C21orf58: variants seen among roughly 807,000 people sequenced by gnomAD.
The protein encoded by C21orf58 is chromosome 21 open reading frame 58.
In C21orf58, 34 loss-of-function variants were observed where a neutral mutation model predicts 35.8. The ratio of observed to expected loss-of-function variants is 0.95; its 90% CI spans 0.72 to 1.26. The LOEUF (loss-of-function observed/expected upper bound fraction) is 1.26. Ranked by LOEUF, C21orf58 falls within the 50% of genes most tolerant of loss-of-function variation. The probability of loss-of-function intolerance (pLI) is 0.00; values close to 1 mark genes in which losing one functional copy is unlikely to be tolerated. For missense variants in C21orf58, 440 were observed against 414.3 expected, an observed-to-expected ratio of 1.06 and a Z score of -0.54; for synonymous variants, 191 against 175.8, an observed-to-expected ratio of 1.09 and a Z score of -0.68.
chr21:46,319,738 A>T (rs562383574), intron 1 of C21orf58, among the ~76,000 whole-genome samples: 38 of 152,168 alleles, frequency 2.5e-4, no homozygotes, highest in African/African-American at 7.7e-4. Context: ...TCTACTAAAA[A>T]TACAAAAAAT....
chr21:46,315,044 G>A, intron 4 of C21orf58, 164 bp from the exon 5 acceptor site: 3 of 1,520,504 alleles, frequency 2.0e-6, no homozygotes, highest in Non-Finnish European at 8.8e-7. Context: ...GCATGAGGGT[G>A]GCCTCCTGAA....
At chr21:46,315,346 G>T (rs917096493) in intron 4 of C21orf58, 128 bp downstream of exon 4, 3 of 674,424 alleles carry the variant, frequency 4.4e-6, no homozygotes, top group African/African-American at 3.6e-5. Flanking sequence ...CAGTGTCCTT[G>T]CTGGGGCCTG....
chr21:46,306,743 C>T (rs922102899), intron 6 of C21orf58, among the ~76,000 whole-genome samples: 2 of 151,752 alleles, frequency 1.3e-5, no homozygotes, highest in African/African-American at 4.8e-5. Flanking sequence ...ATGCACCTAA[C>T]ACTTGGCAAA....
rs780168028 is a variant in C21orf58 at position 46,311,525 on chromosome 21, G to C, written c.652C>G (p.Gln218Glu). ...GGAGGAATCTGTGCTATGAGTGGCT[G>C]CTGAGGGAGCTGCTGAATGATGGTG... ...PATIIQQLPQ[Q>E]PLIAQIPPPQ... The change falls in exon 6 of 8, where the codon CAG becomes GAG. Residue 218 changes from glutamine (Q) to glutamate (E), a missense_variant. Physicochemically the swap from Gln to Glu is conservative, Grantham distance 29. Coordinates refer to ENST00000291691, the MANE Select transcript of C21orf58 (RefSeq NM_058180.5). 16 of 1,612,184 alleles carry C rather than the reference G, an allele frequency of 9.9e-6. No individual in the cohort carries two copies. In the East Asian group the frequency reaches 3.1e-4, roughly 31 times the overall value.
intron 5 of C21orf58, chr21:46,313,096 A>G (rs1346084664): frequency 2.0e-6 from 2 of 979,064 alleles, no homozygotes; most frequent in Non-Finnish European, 2.4e-6. Flanking sequence ...CAAGAGCTAC[A>G]TCGTAAACAG....
At chr21:46,318,743 C>G in intron 1 of C21orf58, 4 of 997,620 alleles carry the variant, frequency 4.0e-6, no homozygotes, top group Non-Finnish European at 4.8e-6. Context: ...AGGGGCTGGG[C>G]TTTAGCAGGA....
intron 6 of C21orf58, among the ~76,000 whole-genome samples, chr21:46,304,997 ACAGT>A (rs753197259): frequency 1.2e-4 from 19 of 152,202 alleles, no homozygotes; most frequent in Non-Finnish European, 2.5e-4. Context: ...CACAGCGAAC[ACAGT>A]CAGACTCATA....
intron 1 of C21orf58, among the ~76,000 whole-genome samples, chr21:46,321,852 T>A (rs2083167892): frequency 6.6e-6 from 1 of 151,442 alleles, no homozygotes; most frequent in Admixed American, 6.6e-5. Context: ...GAGAGGGGAG[T>A]TACGTTTCCC....
chr21:46,309,920 T>A (rs1422697395), intron 6 of C21orf58, among the ~76,000 whole-genome samples: 2 of 151,218 alleles, frequency 1.3e-5, no homozygotes, highest in African/African-American at 4.9e-5. Flanking sequence ...TGCTTAAACC[T>A]GGAGGGGCAG....
chr21:46,306,907 T>A (rs1392065025), intron 6 of C21orf58, among the ~76,000 whole-genome samples: 3 of 150,974 alleles, frequency 2.0e-5, no homozygotes, highest in Non-Finnish European at 4.4e-5. Context: ...TTTTATTTAT[T>A]TTTTTTAAGA....
downstream of C21orf58, among the ~76,000 whole-genome samples, chr21:46,300,975 G>A (rs372480310): frequency 2.2e-3 from 340 of 152,192 alleles, 1 homozygote; most frequent in African/African-American, 7.7e-3. Flanking sequence ...ACTGAACTGA[G>A]GGGAGTGAGC....
chr21:46,318,452 A>T, intron 1 of C21orf58: 1 of 1,412,708 alleles, frequency 7.1e-7, no homozygotes, highest in Non-Finnish European at 9.2e-7. Flanking sequence ...GCTGAGGCAG[A>T]GGGGCAGAAC....
downstream of C21orf58, chr21:46,300,628 T>C (rs568034905): frequency 8.2e-7 from 1 of 1,218,908 alleles, no homozygotes; most frequent in South Asian, 1.4e-5. Flanking sequence ...CCCTTCGGTG[T>C]TCACACCTGC....
chr21:46,310,053 C>T (rs568795523), intron 6 of C21orf58, among the ~76,000 whole-genome samples: 2 of 152,058 alleles, frequency 1.3e-5, no homozygotes, highest in East Asian at 1.9e-4. Context: ...TACATAGTGA[C>T]GGAAAGCTGC....
At position 46,315,452 on chromosome 21, in the gene C21orf58, G is replaced by A. The variant is rs370242656; in HGVS notation, c.444+22C>T. ...TGCTACAGTGAGCTCAGCCAGGTTC[G>A]CTCAGAGGGTGCAGGGCCTACCCGG... On this transcript the variant is annotated intron_variant, in intron 4 of 7. Coordinates refer to ENST00000291691, the MANE Select transcript of C21orf58 (RefSeq NM_058180.5). 67 of 1,493,420 alleles carry A rather than the reference G, an allele frequency of 4.5e-5. No homozygotes were observed. In the East Asian group the frequency reaches 1.2e-3, roughly 26 times the overall value. The allele number at this position is 1,493,420 out of a possible 1,614,324, so 92.5% of individuals were successfully genotyped here.
At chr21:46,315,603 G>A (rs1392977725) in intron 3 of C21orf58, 56 bp from the exon 4 acceptor site, 3 of 1,161,290 alleles carry the variant, frequency 2.6e-6, no homozygotes, top group Non-Finnish European at 3.9e-6. Context: ...GTCGCTGCAA[G>A]CACTCGGACT....
chr21:46,305,006 C>T (rs2145934705), intron 6 of C21orf58, among the ~76,000 whole-genome samples: 1 of 152,352 alleles, frequency 6.6e-6, no homozygotes, highest in East Asian at 1.9e-4. Context: ...CACAGTCAGA[C>T]TCATAGAAAC....
At chr21:46,300,899 A>G (rs947010791), downstream of C21orf58, 1 of 961,168 alleles carries the variant, frequency 1.0e-6, no homozygotes, top group East Asian at 6.2e-5. Flanking sequence ...AGTAACAAAA[A>G]GTAAAGAAAA....
In C21orf58 at chr21:46,322,697, C is replaced by A. The variant is rs769666125; in HGVS notation, c.42G>T (p.Pro14=). 6.3e-7 allele frequency: 1 copy of A among 1,578,374 alleles called. No homozygotes were observed. Among genetic ancestry groups the A allele is most frequent in the Admixed American group, 1.8e-5 (1 of 55,340 alleles). The change falls in exon 1 of 8, where the codon CCG becomes CCT. Residue 14 remains proline, a synonymous_variant. Coordinates refer to ENST00000291691, the MANE Select transcript of C21orf58 (RefSeq NM_058180.5). The part of the protein sequence containing the change: ...SRLPATSLRK[P]WKLDRQKLPS... ...GAAGTTTCTGGCGGTCGAGCTTCCA[C>A]GGCTTCCTGAGGGAGGTTGCAGGGA...
Sources: gnomAD v4.1 joint callset for allele counts (sites outside exome capture counted in the v4.1 genomes callset) on GRCh38, gnomAD v4.1.1 for gene constraint, MANE v1.5 for transcripts, NCBI Gene and HGNC (gene_info 2026-07-23, HGNC 2026-07-21) for gene names.